Variants in SMARCB1 observed in about 807,000 individuals in gnomAD.
SMARCB1 encodes SWI/SNF related BAF chromatin remodeling complex subunit B1, also known as SWI/SNF-related matrix-associated actin-dependent regulator of chromatin subfamily B member 1.
A neutral mutation model predicts 49.0 loss-of-function variants in SMARCB1; 5 were observed. The ratio of observed to expected loss-of-function variants is 0.10; its 90% CI spans 0.05 to 0.21. The LOEUF (loss-of-function observed/expected upper bound fraction) is 0.21, where lower values mean the gene tolerates loss of function less well. Ranked by LOEUF, SMARCB1 falls within the 10% of genes least tolerant of loss-of-function variation. The pLI, the probability that SMARCB1 is intolerant of heterozygous loss-of-function variation, is 1.00. For synonymous variants in SMARCB1, 201 were observed against 200.1 expected (o/e 1.00, Z -0.04); for missense variants, 226 against 509.2 (o/e 0.44, Z 5.35).
intron 7 of SMARCB1, 35 bp from the exon 8 acceptor site, chr22:23,833,535 GAA>G: frequency 1.2e-6 from 2 of 1,614,050 alleles, no homozygotes; most frequent in East Asian, 2.2e-5. Context: ...TCTATAGCTG[GAA>G]AAGTCATTCC....
chr22:23,826,144 T>C (rs540200165), intron 7 of SMARCB1: 1 of 151,856 alleles, frequency 6.6e-6, no homozygotes, highest in East Asian at 1.9e-4. Flanking sequence ...CAAGGCCCAG[T>C]GCGATGGCTC....
chr22:23,792,874 G>A (rs148901860), intron 2 of SMARCB1: 3 of 163,434 alleles, frequency 1.8e-5, no homozygotes, highest in African/African-American at 7.2e-5. Context: ...CCTGGGCTAA[G>A]TCTTGGGAGA....
chr22:23,797,165 A>C (rs1383401864), intron 3 of SMARCB1, among the ~76,000 whole-genome samples: 3 of 145,982 alleles, frequency 2.1e-5, no homozygotes, highest in Admixed American at 6.8e-5. Context: ...CGCCCGGCTA[A>C]TTTTTTGTGT....
chr22:23,820,027 A>G (rs1306379316), intron 6 of SMARCB1, among the ~76,000 whole-genome samples: 1 of 151,848 alleles, frequency 6.6e-6, no homozygotes, highest in Non-Finnish European at 1.5e-5. Flanking sequence ...ACGGGGTCTC[A>G]TCATATTGAC....
chr22:23,797,181 G>C (rs1357678595), intron 3 of SMARCB1, among the ~76,000 whole-genome samples: 2 of 146,968 alleles, frequency 1.4e-5, no homozygotes, highest in Non-Finnish European at 3.0e-5. Flanking sequence ...TGTGTTTTTA[G>C]TAGAGACGGG....
chr22:23,833,391 T>C (rs2030769484), intron 7 of SMARCB1, among the ~76,000 whole-genome samples, 181 bp from the exon 8 acceptor site: 1 of 152,130 alleles, frequency 6.6e-6, no homozygotes, highest in Non-Finnish European at 1.5e-5. Flanking sequence ...GCGACAACAC[T>C]TGTTATGGAA....
chr22:23,825,105 C>T, intron 6 of SMARCB1, 120 bp from the exon 7 acceptor site: 1 of 782,990 alleles, frequency 1.3e-6, no homozygotes, highest in Non-Finnish European at 2.3e-6. Context: ...GGACCACCTG[C>T]AGTTCTCAGC....
At position 23,787,069 on chromosome 22, in the gene SMARCB1, C is replaced by T. The variant is rs898288932; in HGVS notation, c.-101C>T. On this transcript the variant is annotated 5_prime_UTR_variant, in exon 1 of 9. Coordinates refer to ENST00000644036, the MANE Select transcript of SMARCB1 (RefSeq NM_003073.5). Reference sequence around the variant, plus strand: ...AGTACCCGGCCCGGTCCGCATTTCGCCTTCCGGCTTCGGTTTCCCTCGGCC... The same window carrying T: ...AGTACCCGGCCCGGTCCGCATTTCGTCTTCCGGCTTCGGTTTCCCTCGGCC... 3.2e-5 allele frequency: 25 copies of T among 775,434 alleles called. No individual in the cohort carries two copies. Among genetic ancestry groups the T allele is most frequent in the Non-Finnish European group, 5.2e-5 (24 of 458,512 alleles). The allele number at this position is 775,434 out of a possible 1,614,324, so 48.0% of individuals were successfully genotyped here.
chr22:23,822,933 C>CT (rs911696247), intron 6 of SMARCB1, among the ~76,000 whole-genome samples: 1 of 121,624 alleles, frequency 8.2e-6, no homozygotes, highest in Non-Finnish European at 1.6e-5. Context: ...TACTTAGTGT[C>CT]TGTCAGTGCC....
chr22:23,798,438 G>A (rs1320689349), intron 3 of SMARCB1, among the ~76,000 whole-genome samples: 3 of 152,038 alleles, frequency 2.0e-5, no homozygotes, highest in African/African-American at 4.8e-5. Context: ...CACTCTGAGC[G>A]GCCAGGATTA....
At chr22:23,803,093 TA>T (rs1399575778) in intron 4 of SMARCB1, 6 of 678,694 alleles carry the variant, frequency 8.8e-6, no homozygotes, top group Non-Finnish European at 1.6e-5. Flanking sequence ...TGGTGCTTGT[TA>T]TTTATGGCCC....
rs538215139 is a variant in SMARCB1 at position 23,793,519 on chromosome 22, G to A, written c.233-40G>A. The A allele has an allele frequency of 4.3e-5, 70 of 1,612,782 alleles. No individual in the cohort carries two copies. The East Asian group carries it at 8.2e-4, about 19-fold the overall frequency. ...ACTTGGCTGGCTGCTGTGTGCCACC[G>A]CCACCAGCAGAGTGACCCAGTGATG... is the stretch of plus-strand genomic sequence containing the variant. On this transcript the variant is annotated intron_variant, in intron 2 of 8. Coordinates refer to ENST00000644036, the MANE Select transcript of SMARCB1 (RefSeq NM_003073.5).
intron 1 of SMARCB1, 93 bp from the exon 2 acceptor site, chr22:23,791,663 G>A (rs1224581993): frequency 1.5e-6 from 2 of 1,296,060 alleles, no homozygotes; most frequent in Admixed American, 1.7e-5. Flanking sequence ...CTCAAGGCCT[G>A]TTTGTCTGTT....
chr22:23,812,566 A>G (rs1929942766), intron 5 of SMARCB1, among the ~76,000 whole-genome samples: 1 of 152,198 alleles, frequency 6.6e-6, no homozygotes, highest in Non-Finnish European at 1.5e-5. Flanking sequence ...CTAAAGATGC[A>G]AAATCCTTAG....
chr22:23,810,297 C>T (rs1929785209), intron 5 of SMARCB1, among the ~76,000 whole-genome samples: 1 of 151,746 alleles, frequency 6.6e-6, no homozygotes, highest in Non-Finnish European at 1.5e-5. Context: ...GAGGCCAAGG[C>T]AGGCGGATCA....
At chr22:23,807,577 A>G (rs1364714771) in intron 5 of SMARCB1, among the ~76,000 whole-genome samples, 1 of 115,380 alleles carries the variant, frequency 8.7e-6, no homozygotes. Flanking sequence ...CCTGTCTCAA[A>G]AACTTTTTTT....
rs1377588713 is a variant in SMARCB1 at position 23,797,250 on chromosome 22, G to A, written c.362+3562G>A. 4.0e-5 allele frequency among the ~76,000 whole-genome samples: 6 copies of A among 149,930 alleles called. No individual in the cohort carries two copies. The East Asian group carries it at 1.2e-3, about 30-fold the overall frequency. On this transcript the variant is annotated intron_variant, in intron 3 of 8. Coordinates refer to ENST00000644036, the MANE Select transcript of SMARCB1 (RefSeq NM_003073.5). Reference sequence around the variant, plus strand: ...CCTGACCTCGTGATCCGCCCGCCTCGGCCTCCCAAAGTGCTGGGATTACAG... The same window carrying A: ...CCTGACCTCGTGATCCGCCCGCCTCAGCCTCCCAAAGTGCTGGGATTACAG...
intron 3 of SMARCB1, among the ~76,000 whole-genome samples, chr22:23,797,000 CTT>C (rs1166157626): frequency 7.5e-4 from 102 of 135,348 alleles, no homozygotes; most frequent in African/African-American, 2.2e-3. Flanking sequence ...GGTTGTTTTT[CTT>C]TTTTTTTTTT....
At chr22:23,794,019 A>G (rs530961516) in intron 3 of SMARCB1, among the ~76,000 whole-genome samples, 231 of 152,222 alleles carry the variant, frequency 1.5e-3, no homozygotes, top group Middle Eastern at 3.4e-3. Context: ...ATCTCAGCTC[A>G]CTGCAACTTC....
Sources: allele counts gnomAD v4.1 joint callset (sites outside exome capture counted in the v4.1 genomes callset), GRCh38; gene constraint gnomAD v4.1.1; transcripts MANE v1.5; gene names NCBI Gene and HGNC (gene_info 2026-07-23, HGNC 2026-07-21).